Variants in PGM3 observed in about 807,000 individuals in gnomAD.
PGM3 encodes the protein phosphoacetylglucosamine mutase.
PGM3 carries 40 observed loss-of-function variants against 66.2 expected under a neutral mutation model. That is an observed-to-expected ratio of 0.60 (90% CI 0.47 to 0.79). The LOEUF (loss-of-function observed/expected upper bound fraction) is 0.79, where lower values mean the gene tolerates loss of function less well. Ranked by LOEUF, PGM3 falls within the 30% of genes least tolerant of loss-of-function variation. The pLI is 0.00. For synonymous variants in PGM3, 191 were observed against 224.2 expected (o/e 0.85, Z 1.32); for missense variants, 537 against 643.4 (o/e 0.83, Z 1.79).
downstream of PGM3, among the ~76,000 whole-genome samples, chr6:83,160,743 T>G (rs1784037605): frequency 6.6e-6 from 1 of 152,178 alleles, no homozygotes; most frequent in Non-Finnish European, 1.5e-5. Flanking sequence ...ATATGAGAAT[T>G]TATCCACAAG....
downstream of PGM3, among the ~76,000 whole-genome samples, chr6:83,160,987 A>G (rs530045842): frequency 1.8e-4 from 27 of 152,154 alleles, no homozygotes; most frequent in African/African-American, 6.5e-4. Flanking sequence ...ATATATATAT[A>G]TATCTACTTT....
intron 1 of PGM3, 181 bp from the exon 2 acceptor site, chr6:83,191,195 T>C (rs1334820783): frequency 6.5e-7 from 1 of 1,533,682 alleles, no homozygotes; most frequent in Non-Finnish European, 8.7e-7. Context: ...ACCTACAAGA[T>C]GTTGTCCAAC....
chr6:83,193,331 T>TGCGCCAGCC (rs1554260296), upstream of PGM3: 3 of 151,946 alleles, frequency 2.0e-5, no homozygotes, highest in African/African-American at 7.2e-5. Context: ...CAGAGGACTA[T>TGCGCCAGCC]CCGCCAGCCC....
Position 83,165,075 on chromosome 6 carries a change from G to T in PGM3, c.*4159C>A. 5.6e-6 allele frequency: 1 copy of T among 179,482 alleles called. No homozygotes were observed. Among genetic ancestry groups the T allele is most frequent in the Non-Finnish European group, 1.2e-5 (1 of 85,504 alleles). The allele number at this position is 179,482 out of a possible 1,614,324, so 11.1% of individuals were successfully genotyped here. On this transcript the variant is annotated 3_prime_UTR_variant, in exon 13 of 13. Transcript: ENST00000513973. The stretch of plus-strand genomic sequence containing the variant: ...ACATTTGGAAGTTAGCTATATAGAG[G>T]GTACAAGGATATTCATTTTCCTTCA...
the PGM3 span, chr6:83,152,055 T>A: frequency 1.9e-6 from 3 of 1,612,962 alleles, no homozygotes; most frequent in Non-Finnish European, 2.5e-6. Flanking sequence ...TTAGGTTTAT[T>A]ATCTGTAAGC....
chr6:83,191,214 T>TC lies in PGM3; in HGVS notation c.-2-201dup. Reference sequence around the variant, plus strand: ...ACAAGATGTTGTCCAACTTGGTATGTCCACTCCTGGGCAGACTCAGGGCAG... The same window carrying TC: ...ACAAGATGTTGTCCAACTTGGTATGTCCCACTCCTGGGCAGACTCAGGGCAG... On this transcript the variant is annotated intron_variant, in intron 1 of 12. Coordinates refer to ENST00000513973, the MANE Select transcript of PGM3 (RefSeq NM_015599.3). 6.5e-7 allele frequency: 1 copy of TC among 1,535,186 alleles called. No individual in the cohort carries two copies. Among genetic ancestry groups the TC allele is most frequent in the Admixed American group, 2.0e-5 (1 of 50,992 alleles).
intron 1 of PGM3, chr6:83,191,402 C>G (rs1379956252): frequency 1.6e-6 from 1 of 637,264 alleles, no homozygotes; most frequent in African/African-American, 1.8e-5. Context: ...GGGAAACTAA[C>G]CTAAATTAAC....
At chr6:83,153,350 T>C in the PGM3 span, 1 of 462,762 alleles carries the variant, frequency 2.2e-6, no homozygotes, top group Non-Finnish European at 3.7e-6. Context: ...AAAAAGCAGA[T>C]GGTGGCAAAA....
chr6:83,153,421 TC>T, the PGM3 span: 7 of 748,134 alleles, frequency 9.4e-6, no homozygotes, highest in Non-Finnish European at 1.5e-5. Context: ...TTTTAAGTAG[TC>T]TAGGTTTTCT....
At chr6:83,178,633 T>A (rs1388457716) in intron 8 of PGM3, 40 bp downstream of exon 8, 2 of 1,081,392 alleles carry the variant, frequency 1.8e-6, no homozygotes, top group Non-Finnish European at 2.9e-6. Flanking sequence ...AAACATGATC[T>A]TAATTAAGAA....
downstream of PGM3, among the ~76,000 whole-genome samples, chr6:83,163,740 C>G (rs546974416): frequency 6.6e-6 from 1 of 152,170 alleles, no homozygotes; most frequent in South Asian, 2.1e-4. Flanking sequence ...GCAAGACCCC[C>G]ACAACCTGCA....
At chr6:83,186,685 TC>T (rs933037494) in intron 4 of PGM3, among the ~76,000 whole-genome samples, 2 of 152,072 alleles carry the variant, frequency 1.3e-5, no homozygotes, top group African/African-American at 4.8e-5. Flanking sequence ...TGATAAAAGC[TC>T]CCCAGAATGA....
At chr6:83,157,334 T>G, downstream of PGM3, 2 of 1,610,158 alleles carry the variant, frequency 1.2e-6, no homozygotes, top group Non-Finnish European at 1.7e-6. Flanking sequence ...TTAATTTTAA[T>G]TCAGTCAGGT....
chr6:83,168,548 A>C lies in PGM3; in HGVS notation c.*686T>G, dbSNP rs1786397140. 33 of 1,002,498 alleles carry C rather than the reference A, an allele frequency of 3.3e-5. No homozygotes were observed. The highest frequency in any genetic ancestry group is 3.9e-5 in the Non-Finnish European group (33 of 840,922). The allele number at this position is 1,002,498 out of a possible 1,614,324, so 62.1% of individuals were successfully genotyped here. ...TCCTTATTAACCATGTTCTGGTATC[A>C]GAATGGTGTTCCTTCTCCATCAGAG... On this transcript the variant is annotated 3_prime_UTR_variant, in exon 13 of 13. Transcript: ENST00000513973.
chr6:83,152,173 A>G, the PGM3 span: 1 of 754,646 alleles, frequency 1.3e-6, no homozygotes, highest in Non-Finnish European at 2.0e-6. Flanking sequence ...AAAAATATAT[A>G]TATACATATA....
chr6:83,160,051 G>GT, downstream of PGM3: 1 of 1,274,464 alleles, frequency 7.8e-7, no homozygotes, highest in East Asian at 2.3e-5. Context: ...AGTTTTTTGT[G>GT]TAAGTTGAAA....
At chr6:83,151,876 T>G in the PGM3 span, 1 of 1,613,100 alleles carries the variant, frequency 6.2e-7, no homozygotes, top group African/African-American at 1.3e-5. Context: ...CTTCCTTATT[T>G]TTTTAGGATG....
the PGM3 span, among the ~76,000 whole-genome samples, chr6:83,149,946 A>C: frequency 6.6e-6 from 1 of 152,230 alleles, no homozygotes; most frequent in Non-Finnish European, 1.5e-5. Context: ...CTGGACAGGC[A>C]TCCTAATTGT....
chr6:83,167,602 A>G lies in PGM3; in HGVS notation c.*1632T>C. ...TATGTTTGACTCTATTCCTGTTCAA[A>G]GCTATTTCTGTTAACTAAGCTTATC... On this transcript the variant is annotated 3_prime_UTR_variant, in exon 13 of 13. Transcript: ENST00000513973. The G allele has an allele frequency of 8.5e-7, 1 of 1,169,828 alleles. No individual in the cohort carries two copies. Among genetic ancestry groups the G allele is most frequent in the Non-Finnish European group, 1.1e-6 (1 of 949,184 alleles). The allele number at this position is 1,169,828 out of a possible 1,614,324, so 72.5% of individuals were successfully genotyped here. A position where few individuals can be genotyped will look rare whatever the true frequency, so the allele number is the denominator to read the frequency against.
Sources: allele counts gnomAD v4.1 joint callset (sites outside exome capture counted in the v4.1 genomes callset), GRCh38; gene constraint gnomAD v4.1.1; transcripts MANE v1.5; gene names NCBI Gene and HGNC (gene_info 2026-07-23, HGNC 2026-07-21).